CELF2: variants seen among roughly 807,000 people sequenced by gnomAD.
The protein encoded by CELF2 is CUG triplet repeat RNA-binding protein 2.
CELF2 carries 8 observed loss-of-function variants against 62.6 expected under a neutral mutation model. That is an observed-to-expected ratio of 0.13 (90% CI 0.07 to 0.23). CELF2 has a LOEUF of 0.23. Among genes scored for constraint, CELF2 ranks in the 10% least tolerant of loss-of-function variants. The probability of loss-of-function intolerance (pLI) is 1.00; values close to 1 mark genes in which losing one functional copy is unlikely to be tolerated. For missense variants in CELF2, 333 were observed against 671.0 expected (o/e 0.50, Z 5.56); for synonymous variants, 258 against 250.0 (o/e 1.03, Z -0.30).
the CELF2 span, among the ~76,000 whole-genome samples, chr10:10,739,158 T>C: frequency 7.2e-5 from 11 of 152,180 alleles, no homozygotes; most frequent in Admixed American, 3.3e-4. Context: ...AAAAATGATA[T>C]ATGTTTATAT....
intron 1 of CELF2, among the ~76,000 whole-genome samples, chr10:10,879,474 G>C (rs145430363): frequency 1.3e-5 from 2 of 152,142 alleles, no homozygotes; most frequent in Non-Finnish European, 2.9e-5. Context: ...ATTTGAAGTT[G>C]TTCATACCAC....
At chr10:10,464,433 T>A in the CELF2 span, among the ~76,000 whole-genome samples, 2 of 152,188 alleles carry the variant, frequency 1.3e-5, no homozygotes, top group African/African-American at 2.4e-5. Context: ...TCTTTTTTTT[T>A]ATTGTGGAAA....
chr10:11,202,619 C>G (rs1033612746), intron 2 of CELF2, among the ~76,000 whole-genome samples: 1 of 152,204 alleles, frequency 6.6e-6, no homozygotes, highest in Non-Finnish European at 1.5e-5. Flanking sequence ...AAGACTTGCT[C>G]TCACTAACAT....
rs888372626 is a variant in CELF2, at chr10:11,268,471, T to C, written c.618+1794T>C. Among the ~76,000 whole-genome samples the C allele has an allele frequency of 2.6e-5, 4 of 152,152 alleles. No individual in the cohort carries two copies. Among genetic ancestry groups the C allele is most frequent in the Non-Finnish European group, 4.4e-5 (3 of 68,030 alleles). ...GAGACCATGTTCCCCTGTGTTCCTG[T>C]AGAAGGAGGACTCTGGATCATAAAG... On this transcript the variant is annotated intron_variant, in intron 6 of 12. Transcript: ENST00000633077. The surrounding 1 kb of genome is among the most constrained non-coding windows in gnomAD (Gnocchi z 4.7).
intron 2 of CELF2, among the ~76,000 whole-genome samples, chr10:10,973,322 C>T (rs1223436002): frequency 6.6e-6 from 1 of 151,942 alleles, no homozygotes; most frequent in Admixed American, 6.6e-5. Flanking sequence ...AGGGCAGCAG[C>T]ACATACTCTT....
At chr10:10,696,297 C>T in the CELF2 span, among the ~76,000 whole-genome samples, 1 of 151,886 alleles carries the variant, frequency 6.6e-6, no homozygotes, top group South Asian at 2.1e-4. Context: ...TGGGGGGTGC[C>T]TCCCAGTTAG....
At chr10:10,871,568 G>T (rs977288415) in intron 1 of CELF2, among the ~76,000 whole-genome samples, 13 of 152,056 alleles carry the variant, frequency 8.5e-5, no homozygotes, top group African/African-American at 2.4e-4. Flanking sequence ...GGCAGATCAC[G>T]AGGTCTAGAG....
the CELF2 span, among the ~76,000 whole-genome samples, chr10:10,707,684 G>A: frequency 2.0e-5 from 3 of 152,310 alleles, no homozygotes; most frequent in South Asian, 6.2e-4. Flanking sequence ...GGACGCTGAA[G>A]ACAAGATTCC....
chr10:10,521,974 T>A, the CELF2 span, among the ~76,000 whole-genome samples: 3 of 152,200 alleles, frequency 2.0e-5, no homozygotes, highest in African/African-American at 7.2e-5. Context: ...GGTCCACACC[T>A]GGCTGCAGCT....
chr10:11,119,812 T>G (rs1392593046), intron 1 of CELF2, among the ~76,000 whole-genome samples: 1 of 150,868 alleles, frequency 6.6e-6, no homozygotes, highest in Non-Finnish European at 1.5e-5. Flanking sequence ...TGCATATATC[T>G]GGATTCAAAT....
chr10:11,106,825 G>A (rs566816874), intron 1 of CELF2, among the ~76,000 whole-genome samples: 1 of 152,340 alleles, frequency 6.6e-6, no homozygotes, highest in East Asian at 1.9e-4. Context: ...GGGATTCTGA[G>A]TGGTGTAGTC....
intron 2 of CELF2, among the ~76,000 whole-genome samples, chr10:11,204,400 T>G (rs2059950467): frequency 6.6e-6 from 1 of 152,164 alleles, no homozygotes; most frequent in South Asian, 2.1e-4. Context: ...CCTAGGAACC[T>G]GAATCAGAAA....
At chr10:10,502,163 G>A in the CELF2 span, among the ~76,000 whole-genome samples, 27 of 151,802 alleles carry the variant, frequency 1.8e-4, no homozygotes, top group Admixed American at 3.9e-4. Flanking sequence ...TCTATTTGTC[G>A]TGTTTTATTA....
chr10:10,948,564 A>G (rs1477931821), intron 2 of CELF2, among the ~76,000 whole-genome samples: 1 of 152,132 alleles, frequency 6.6e-6, no homozygotes, highest in African/African-American at 2.4e-5. Context: ...CTTTGGCTAA[A>G]TTGGTTGTTT....
chr10:11,134,065 G>A (rs940773652), intron 1 of CELF2, among the ~76,000 whole-genome samples: 3 of 152,284 alleles, frequency 2.0e-5, no homozygotes, highest in Admixed American at 6.5e-5. Flanking sequence ...CTAGCATAGC[G>A]ATATTTGTAA....
intron 1 of CELF2, among the ~76,000 whole-genome samples, chr10:10,879,481 C>G (rs1156920618): frequency 1.3e-5 from 2 of 152,120 alleles, no homozygotes; most frequent in African/African-American, 4.8e-5. Flanking sequence ...GTTGTTCATA[C>G]CACAGATTCT....
intron 1 of CELF2, among the ~76,000 whole-genome samples, chr10:11,051,289 T>C (rs2063867539): frequency 6.6e-6 from 1 of 152,228 alleles, no homozygotes; most frequent in Non-Finnish European, 1.5e-5. Flanking sequence ...AAAACATCTT[T>C]TACTGCATTT....
intron 1 of CELF2, among the ~76,000 whole-genome samples, chr10:10,843,882 AAT>A (rs1365214005): frequency 4.6e-5 from 7 of 151,956 alleles, no homozygotes; most frequent in African/African-American, 1.4e-4. Flanking sequence ...GATGGTAGTA[AAT>A]GTCTTAGAAT....
the CELF2 span, among the ~76,000 whole-genome samples, chr10:10,568,928 A>G: frequency 6.6e-6 from 1 of 152,172 alleles, no homozygotes; most frequent in African/African-American, 2.4e-5. Context: ...AGCGACTTCT[A>G]GTTACAATAT....
Sources: allele counts gnomAD v4.1 joint callset (sites outside exome capture counted in the v4.1 genomes callset), GRCh38; gene constraint gnomAD v4.1.1; non-coding constraint Gnocchi (gnomAD v3.1); transcripts MANE v1.5; gene names NCBI Gene and HGNC (gene_info 2026-07-23, HGNC 2026-07-21).